Variants in KIF2A observed in about 807,000 individuals in gnomAD.
The protein encoded by KIF2A is kinesin-like protein KIF2A.
A neutral mutation model predicts 100.2 loss-of-function variants in KIF2A; 22 were observed. The observed-to-expected ratio is 0.22, with a 90% CI of 0.16 to 0.31. The LOEUF (loss-of-function observed/expected upper bound fraction) is 0.31, where lower values mean the gene tolerates loss of function less well. Ranked by LOEUF, KIF2A falls within the 10% of genes least tolerant of loss-of-function variation. KIF2A has a pLI of 1.00. For synonymous variants in KIF2A, 268 were observed against 285.9 expected, an observed-to-expected ratio of 0.94 and a Z score of 0.63; for missense variants, 495 against 898.7, an observed-to-expected ratio of 0.55 and a Z score of 5.74.
chr5:62,332,472 T>G (rs948981363), intron 1 of KIF2A, among the ~76,000 whole-genome samples: 1 of 152,146 alleles, frequency 6.6e-6, no homozygotes, highest in African/African-American at 2.4e-5. Flanking sequence ...TTAAGTGGGG[T>G]AAAAATGTTT....
At position 62,377,668 on chromosome 5, in the gene KIF2A, A is replaced by G; in HGVS notation, c.1919A>G (p.Glu640Gly). The change falls in exon 19 of 21, where the codon GAA (glutamate) becomes GGA (glycine). Residue 640 changes from glutamate to glycine, a missense_variant. Glu to Gly is a moderately conservative substitution (Grantham distance 98). Coordinates refer to ENST00000407818, the MANE Select transcript of KIF2A (RefSeq NM_001098511.3). ...LKLLCEQNEE[E>G]VSPQLFTFHE... ...AACTATTTTTATTTTAAGGAAGAAG[A>G]AGTCTCTCCACAGTTGTTTACTTTC... is the stretch of plus-strand genomic sequence containing the variant. 1 of 1,511,412 alleles carries G rather than the reference A, an allele frequency of 6.6e-7. No individual in the cohort carries two copies. The highest frequency in any genetic ancestry group is 9.0e-7 in the Non-Finnish European group (1 of 1,116,642). 93.6% of individuals were successfully genotyped at this position (1,511,412 alleles called of 1,614,324 possible).
At chr5:62,360,044 T>G (rs187856588) in intron 9 of KIF2A, among the ~76,000 whole-genome samples, 61 of 152,018 alleles carry the variant, frequency 4.0e-4, no homozygotes, top group African/African-American at 1.4e-3. Context: ...CAGGCTGGAG[T>G]GCAGTGGCAT....
intron 1 of KIF2A, among the ~76,000 whole-genome samples, chr5:62,333,055 AT>A (rs905028893): frequency 6.6e-6 from 1 of 152,186 alleles, no homozygotes; most frequent in African/African-American, 2.4e-5. Flanking sequence ...ACTTCGCATG[AT>A]TTTTTATGTC....
chr5:62,309,830 C>T (rs1001332048), intron 1 of KIF2A, among the ~76,000 whole-genome samples: 4 of 152,136 alleles, frequency 2.6e-5, no homozygotes, highest in African/African-American at 9.7e-5. Context: ...TCTTTCAAGA[C>T]CATGATGAAA....
chr5:62,352,458 A>G (rs960793094), intron 4 of KIF2A, 130 bp from the exon 5 acceptor site: 6 of 560,772 alleles, frequency 1.1e-5, no homozygotes, highest in African/African-American at 9.7e-5. Context: ...ACATACATAA[A>G]TAGAAAACCT....
chr5:62,380,085 G>T (rs187823935), intron 19 of KIF2A, among the ~76,000 whole-genome samples: 72 of 152,278 alleles, frequency 4.7e-4, no homozygotes, highest in Admixed American at 6.5e-4. Flanking sequence ...AAGAGACAGG[G>T]TTTCACCATG....
At chr5:62,327,605 C>G (rs1029987353) in intron 1 of KIF2A, among the ~76,000 whole-genome samples, 1 of 152,236 alleles carries the variant, frequency 6.6e-6, no homozygotes, top group African/African-American at 2.4e-5. Context: ...CATAATCTGA[C>G]TTTAGCCTTT....
intron 1 of KIF2A, among the ~76,000 whole-genome samples, chr5:62,338,914 C>A (rs1221669167): frequency 6.6e-6 from 1 of 152,094 alleles, no homozygotes; most frequent in East Asian, 1.9e-4. Context: ...CTAACAAGCA[C>A]AAAAACAGGC....
chr5:62,361,659 G>A, intron 11 of KIF2A, 130 bp downstream of exon 11: 2 of 557,522 alleles, frequency 3.6e-6, no homozygotes, highest in Non-Finnish European at 3.2e-6. Flanking sequence ...GTCAATTATA[G>A]GTTATTAGAT....
chr5:62,321,976 A>G (rs898603052), intron 1 of KIF2A, among the ~76,000 whole-genome samples: 3 of 152,130 alleles, frequency 2.0e-5, no homozygotes, highest in Admixed American at 6.6e-5. Context: ...GCTGGAATGC[A>G]GTGGCATGAT....
intron 20 of KIF2A, among the ~76,000 whole-genome samples, chr5:62,383,394 C>T (rs564000723): frequency 6.6e-6 from 1 of 151,934 alleles, no homozygotes; most frequent in East Asian, 1.9e-4. Flanking sequence ...AGGCGCCCGC[C>T]ACCACGCCTG....
chr5:62,381,139 G>C lies in KIF2A; in HGVS notation c.2035G>C (p.Asp679His), dbSNP rs1183163237. 3.4e-5 allele frequency: 55 copies of C among 1,611,216 alleles called. No homozygotes were observed. Among genetic ancestry groups the C allele is most frequent in the Non-Finnish European group, 4.7e-5 (55 of 1,177,714 alleles). The change falls in exon 20 of 21, where the codon GAT becomes CAT. Residue 679 changes from aspartate (D) to histidine (H), a missense_variant. By Grantham distance (81) the Asp-to-His change is moderately conservative. This residue lies in a region of KIF2A where 58 missense variants were observed against 94.8 expected (regional missense o/e 0.61). Coordinates refer to ENST00000407818, the MANE Select transcript of KIF2A (RefSeq NM_001098511.3). ...VFQESIRWLE[D>H]EKALLEMTEE... ...GTAGGAATCTATTCGGTGGTTAGAA[G>C]ATGAAAAGGCCCTCTTAGAGATGAC...
chr5:62,339,358 C>A (rs1747151690), intron 1 of KIF2A, among the ~76,000 whole-genome samples: 1 of 151,662 alleles, frequency 6.6e-6, no homozygotes, highest in Non-Finnish European at 1.5e-5. Context: ...GATCTAGTCA[C>A]CTCCACCATC....
At chr5:62,326,644 T>C (rs1160589281) in intron 1 of KIF2A, among the ~76,000 whole-genome samples, 3 of 152,090 alleles carry the variant, frequency 2.0e-5, no homozygotes, top group African/African-American at 7.2e-5. Context: ...GTTATTTTCT[T>C]TACTGAGTCA....
At position 62,358,271 on chromosome 5, in the gene KIF2A, G is replaced by T; in HGVS notation, c.844G>T (p.Asp282Tyr). Residue 282 changes from aspartate (D) to tyrosine (Y), a missense_variant, in exon 9 of 21, where the codon GAC (aspartate) becomes TAC (tyrosine). This residue lies in a region of KIF2A where 109 missense variants were observed against 244.2 expected (regional missense o/e 0.45). Coordinates refer to ENST00000407818, the MANE Select transcript of KIF2A (RefSeq NM_001098511.3). ...ATTTCGTTTTGATTATGCCTTTGAT[G>T]ACTCAGCTCCTAATGAAATGGTTTA... is the stretch of plus-strand genomic sequence containing the variant. ...QTFRFDYAFD[D>Y]SAPNEMVYRF... 2 of 1,589,196 alleles carry T rather than the reference G, an allele frequency of 1.3e-6. No individual in the cohort carries two copies. Among genetic ancestry groups the T allele is most frequent in the South Asian group, 2.3e-5 (2 of 85,862 alleles).
chr5:62,309,350 T>C (rs2111762943), intron 1 of KIF2A, among the ~76,000 whole-genome samples: 1 of 152,316 alleles, frequency 6.6e-6, no homozygotes. Flanking sequence ...TAACCTATGG[T>C]CATGTATCTT....
chr5:62,307,909 C>T (rs1256891311), intron 1 of KIF2A, among the ~76,000 whole-genome samples: 1 of 152,170 alleles, frequency 6.6e-6, no homozygotes, highest in Non-Finnish European at 1.5e-5. Context: ...TGAGCCATCG[C>T]GCCTGGCCTC....
chr5:62,379,455 G>A (rs1053282977), intron 19 of KIF2A, among the ~76,000 whole-genome samples: 2 of 152,120 alleles, frequency 1.3e-5, no homozygotes, highest in South Asian at 2.1e-4. Context: ...CTGAGTTTGC[G>A]AGTTCGATAC....
Position 62,339,282 on chromosome 5 carries a change from C to G in KIF2A, c.65-7848C>G, listed in dbSNP as rs115877461. ...CTGTCATGAGGACAGCACTCATCAC[C>G]AAGGGGATGGTGCACTCATCACCAA... On this transcript the variant is annotated intron_variant, in intron 1 of 20. Transcript: ENST00000407818. Among the ~76,000 whole-genome samples, 796 of 86,978 alleles carry G rather than the reference C, an allele frequency of 9.2e-3. 8 individuals carry two copies. Among genetic ancestry groups the G allele is most frequent in the African/African-American group, 0.033 (749 of 22,848 alleles). 57.1% of individuals were successfully genotyped at this position (86,978 alleles called of 152,430 possible).
Sources: allele counts gnomAD v4.1 joint callset (sites outside exome capture counted in the v4.1 genomes callset), GRCh38; gene constraint gnomAD v4.1.1; regional missense constraint gnomAD v4.1.1; transcripts MANE v1.5; gene names NCBI Gene and HGNC (gene_info 2026-07-23, HGNC 2026-07-21).